The following PBX4 variants were observed in gnomAD, a reference collection of about 807,000 sequenced individuals.
PBX4 encodes PBX homeobox 4.
Under a neutral mutation model 35.1 loss-of-function variants are expected in PBX4, and 26 were observed. The ratio of observed to expected loss-of-function variants is 0.74; its 90% CI spans 0.54 to 1.03. The LOEUF (loss-of-function observed/expected upper bound fraction) is 1.03, where lower values mean the gene tolerates loss of function less well. Among genes scored for constraint, PBX4 ranks in the 50% least tolerant of loss-of-function variants. PBX4 has a pLI of 0.00. For synonymous variants in PBX4, 199 were observed against 204.2 expected, an observed-to-expected ratio of 0.97 and a Z score of 0.22; for missense variants, 448 against 504.3, an observed-to-expected ratio of 0.89 and a Z score of 1.07.
intron 1 of PBX4, among the ~76,000 whole-genome samples, chr19:19,617,587 A>T (rs1406011196): frequency 6.6e-6 from 1 of 152,072 alleles, no homozygotes; most frequent in Admixed American, 6.6e-5. Flanking sequence ...CCCAGTCCTT[A>T]TTTTTTGCTA....
chr19:19,611,892 T>C (rs1421453188), intron 1 of PBX4, among the ~76,000 whole-genome samples: 1 of 149,706 alleles, frequency 6.7e-6, no homozygotes, highest in Non-Finnish European at 1.5e-5. Flanking sequence ...GTCCCAGCAT[T>C]TTGGGAGGCT....
intron 1 of PBX4, among the ~76,000 whole-genome samples, chr19:19,600,523 G>GAA (rs944405201): frequency 2.4e-5 from 3 of 126,070 alleles, no homozygotes; most frequent in Non-Finnish European, 3.4e-5. Context: ...TTGTCATTAA[G>GAA]AAAAAAAAAA....
intron 1 of PBX4, among the ~76,000 whole-genome samples, chr19:19,610,607 C>G (rs1309056621): frequency 6.6e-6 from 1 of 151,146 alleles, no homozygotes; most frequent in African/African-American, 2.4e-5. Context: ...GAAAATTAGC[C>G]GGGTGTGGTG....
chr19:19,580,917 G>T (rs941478929), intron 2 of PBX4, among the ~76,000 whole-genome samples: 2 of 152,212 alleles, frequency 1.3e-5, no homozygotes, highest in African/African-American at 4.8e-5. Context: ...ATTTTTTGTA[G>T]AGACGAGGTT....
At chr19:19,615,494 C>A (rs956862800) in intron 1 of PBX4, among the ~76,000 whole-genome samples, 1 of 152,136 alleles carries the variant, frequency 6.6e-6, no homozygotes, top group Non-Finnish European at 1.5e-5. Context: ...CTCCCCAAAC[C>A]ATGAACTTGA....
At chr19:19,573,362 CACACACACAT>C (rs1248360608) in intron 2 of PBX4, among the ~76,000 whole-genome samples, 2 of 148,582 alleles carry the variant, frequency 1.3e-5, no homozygotes, top group African/African-American at 5.0e-5. Context: ...CACACACACA[CACACACACAT>C]ATAGGATAGT....
chr19:19,569,251 T>C (rs1214746294), intron 5 of PBX4, among the ~76,000 whole-genome samples, 198 bp downstream of exon 5: 1 of 152,058 alleles, frequency 6.6e-6, no homozygotes, highest in Non-Finnish European at 1.5e-5. Context: ...GTAGAGACAG[T>C]GTCTCACTAT....
At position 19,563,390 on chromosome 19, in the gene PBX4, T is replaced by TG; in HGVS notation, c.1032+118dup. 1 of 753,034 alleles carries TG rather than the reference T, an allele frequency of 1.3e-6. No individual in the cohort carries two copies. Among genetic ancestry groups the TG allele is most frequent in the Middle Eastern group, 3.9e-4 (1 of 2,582 alleles). 46.6% of individuals were successfully genotyped at this position (753,034 alleles called of 1,614,324 possible). On this transcript the variant is annotated intron_variant, in intron 7 of 7. Transcript: ENST00000251203. The surrounding 1 kb of genome is among the most constrained non-coding windows in gnomAD (Gnocchi z 5.1). ...CCAGAGGTGGCCGCGCAGCATGGCC[T>TG]GTGTGGCTGCTGGGACCTCTGGGGA...
At chr19:19,586,112 A>G (rs764786314) in intron 2 of PBX4, among the ~76,000 whole-genome samples, 2 of 152,340 alleles carry the variant, frequency 1.3e-5, no homozygotes, top group African/African-American at 2.4e-5. Context: ...ACTGTTCTGT[A>G]CATTTAAAAA....
Position 19,563,336 on chromosome 19 carries a change from TAC to T in PBX4, c.1032+171_1032+172del, listed in dbSNP as rs2061319977. 6.6e-6 allele frequency among the ~76,000 whole-genome samples: 1 copy of T among 152,080 alleles called. No individual in the cohort carries two copies. Among genetic ancestry groups the T allele is most frequent in the African/African-American group, 2.4e-5 (1 of 41,404 alleles). ...TGGAGGTGGGGGAGGGCACAGTCATTACAGAGTGGGGCCCTGCAGAGCTGTGC... is the reference window on the plus strand; with the variant it reads ...TGGAGGTGGGGGAGGGCACAGTCATTAGAGTGGGGCCCTGCAGAGCTGTGC... On this transcript the variant is annotated intron_variant, in intron 7 of 7. Coordinates refer to ENST00000251203, the MANE Select transcript of PBX4 (RefSeq NM_025245.3). This position sits in a 1 kb window ranked among gnomAD's most constrained non-coding sequence, Gnocchi z 5.1.
intron 5 of PBX4, among the ~76,000 whole-genome samples, chr19:19,566,561 G>C (rs1457885488): frequency 6.6e-6 from 1 of 152,178 alleles, no homozygotes; most frequent in African/African-American, 2.4e-5. Context: ...TTCTCACTCT[G>C]TCACCCAGGC....
intron 1 of PBX4, among the ~76,000 whole-genome samples, chr19:19,605,446 T>TAATAATAATAATAATAATAATAAC (rs777835008): frequency 1.0e-5 from 1 of 99,978 alleles, no homozygotes; most frequent in Non-Finnish European, 2.6e-5. Flanking sequence ...ATAATAATAA[T>TAATAATAATAATAATAATAATAAC]AACAATAATA....
chr19:19,602,264 A>C (rs2061602489), intron 1 of PBX4, among the ~76,000 whole-genome samples: 1 of 152,120 alleles, frequency 6.6e-6, no homozygotes, highest in Admixed American at 6.6e-5. Context: ...TAAATAAATG[A>C]ATAAAGAGAA....
chr19:19,570,407 C>T (rs1473874330), intron 3 of PBX4, 108 bp from the exon 4 acceptor site: 2 of 1,439,880 alleles, frequency 1.4e-6, no homozygotes, highest in East Asian at 2.3e-5. Context: ...AGTTCACACA[C>T]CGGCGGGTGA....
chr19:19,587,128 A>C (rs867080548), intron 2 of PBX4, among the ~76,000 whole-genome samples: 7 of 151,724 alleles, frequency 4.6e-5, no homozygotes, highest in Middle Eastern at 3.4e-3. Flanking sequence ...CCTCACCCTC[A>C]CAAGTAGCTG....
intron 1 of PBX4, among the ~76,000 whole-genome samples, chr19:19,600,697 A>C (rs1367961537): frequency 1.3e-5 from 2 of 151,748 alleles, no homozygotes; most frequent in Non-Finnish European, 2.9e-5. Context: ...CACACCTGTA[A>C]TCCCAGCTAC....
intron 2 of PBX4, among the ~76,000 whole-genome samples, chr19:19,592,001 T>TAG (rs1315299809): frequency 6.6e-6 from 1 of 152,092 alleles, no homozygotes; most frequent in Non-Finnish European, 1.5e-5. Flanking sequence ...GCTAGGATTA[T>TAG]AGGCACCCGC....
At chr19:19,596,234 A>G (rs1371160711) in intron 2 of PBX4, among the ~76,000 whole-genome samples, 1 of 152,116 alleles carries the variant, frequency 6.6e-6, no homozygotes, top group East Asian at 1.9e-4. Context: ...TCTACTAAAA[A>G]TACAAAATTA....
At chr19:19,594,647 T>C (rs902916466) in intron 2 of PBX4, among the ~76,000 whole-genome samples, 1 of 152,042 alleles carries the variant, frequency 6.6e-6, no homozygotes, top group Non-Finnish European at 1.5e-5. Context: ...CTCTCAAAAA[T>C]TGGTTTCTCG....
Sources: gnomAD v4.1 joint callset for allele counts (sites outside exome capture counted in the v4.1 genomes callset) on GRCh38, gnomAD v4.1.1 for gene constraint, Gnocchi (gnomAD v3.1) non-coding constraint, MANE v1.5 for transcripts, NCBI Gene and HGNC (gene_info 2026-07-23, HGNC 2026-07-21) for gene names.